Variants in FAM133B observed in about 807,000 individuals in gnomAD.
FAM133B encodes the protein family with sequence similarity 133 member B.
A neutral mutation model predicts 46.4 loss-of-function variants in FAM133B; 25 were observed. That is an observed-to-expected ratio of 0.54 (90% confidence interval 0.39 to 0.75). FAM133B has a LOEUF of 0.75. Among genes scored for constraint, FAM133B ranks in the 30% least tolerant of loss-of-function variants. FAM133B has a pLI of 0.00. For missense variants in FAM133B, 205 were observed against 277.6 expected, an observed-to-expected ratio of 0.74 and a Z score of 1.86; for synonymous variants, 75 against 86.0, an observed-to-expected ratio of 0.87 and a Z score of 0.71.
intron 10 of FAM133B, among the ~76,000 whole-genome samples, chr7:92,564,607 G>A (rs554812503): frequency 6.6e-6 from 1 of 152,296 alleles, no homozygotes; most frequent in East Asian, 1.9e-4. Flanking sequence ...ATTACTAGGG[G>A]AGCCTTCCTA....
chr7:92,578,094 CT>C, intron 5 of FAM133B, 55 bp downstream of exon 5: 2 of 1,468,424 alleles, frequency 1.4e-6, no homozygotes, highest in Non-Finnish European at 1.9e-6. Context: ...ATTATTCTTA[CT>C]TTTTTTGTTG....
intron 10 of FAM133B, among the ~76,000 whole-genome samples, chr7:92,563,241 C>T (rs992284694): frequency 6.6e-6 from 1 of 152,184 alleles, no homozygotes; most frequent in African/African-American, 2.4e-5. Context: ...TCCCCTCTCT[C>T]AAAGGCCTCT....
At chr7:92,582,220 G>C (rs1794900696) in intron 1 of FAM133B, among the ~76,000 whole-genome samples, 1 of 151,322 alleles carries the variant, frequency 6.6e-6, no homozygotes, top group South Asian at 2.1e-4. Context: ...CTGCACTCCA[G>C]CCTGGGCGAC....
At chr7:92,574,803 G>A (rs937197873) in intron 8 of FAM133B, among the ~76,000 whole-genome samples, 3 of 151,694 alleles carry the variant, frequency 2.0e-5, no homozygotes, top group Admixed American at 6.6e-5. Flanking sequence ...TACTCGGGAG[G>A]CTGAGGCAGG....
At chr7:92,576,515 A>G (rs925135635) in intron 7 of FAM133B, among the ~76,000 whole-genome samples, 1 of 152,208 alleles carries the variant, frequency 6.6e-6, no homozygotes, top group Non-Finnish European at 1.5e-5. Context: ...ACTCTAGTAC[A>G]GTGTTTGTCA....
At chr7:92,590,044 T>C in intron 1 of FAM133B, 4 of 608,354 alleles carry the variant, frequency 6.6e-6, no homozygotes, top group Non-Finnish European at 1.1e-5. Flanking sequence ...AGCGACGAGG[T>C]GAGGGAAGAA....
At chr7:92,585,298 C>G (rs1338139892) in intron 1 of FAM133B, 7 of 850,676 alleles carry the variant, frequency 8.2e-6, no homozygotes, top group Non-Finnish European at 8.5e-6. Flanking sequence ...CTCAAATTAC[C>G]TTTGTTAAAT....
Position 92,588,418 on chromosome 7 carries a change from T to C in FAM133B, c.24+1850A>G, listed in dbSNP as rs113797868. Among the ~76,000 whole-genome samples, 992 of 152,232 alleles carry C rather than the reference T, an allele frequency of 6.5e-3. 8 individuals are homozygous for C. The highest frequency in any genetic ancestry group is 0.044 in the Middle Eastern group (13 of 294). On this transcript the variant is annotated intron_variant, in intron 1 of 10. Transcript: ENST00000445716. The stretch of plus-strand genomic sequence containing the variant: ...GAAGAGCCCAAAATACTCAAACACC[T>C]AAGGATGCTCCTATGCTGAAATGGT...
chr7:92,577,279 G>T (rs1405758436), intron 6 of FAM133B, 84 bp from the exon 7 acceptor site: 20 of 900,872 alleles, frequency 2.2e-5, no homozygotes, highest in Non-Finnish European at 3.0e-5. Context: ...TTTTATCAGT[G>T]AACAAAATTT....
chr7:92,585,046 T>A (rs537535922), intron 1 of FAM133B, among the ~76,000 whole-genome samples: 1 of 152,278 alleles, frequency 6.6e-6, no homozygotes, highest in African/African-American at 2.4e-5. Flanking sequence ...CAACCTGGCT[T>A]GATGTGCAAA....
intron 1 of FAM133B, among the ~76,000 whole-genome samples, chr7:92,582,293 C>CATAA (rs1554390069): frequency 0.011 from 1,549 of 140,872 alleles, 22 homozygotes; most frequent in African/African-American, 0.037. Context: ...CATAACATAA[C>CATAA]ATAACATAAA....
intron 6 of FAM133B, 97 bp from the exon 7 acceptor site, chr7:92,577,292 CA>C: frequency 4.0e-6 from 3 of 747,300 alleles, no homozygotes; most frequent in Non-Finnish European, 6.0e-6. Flanking sequence ...CAAAATTTCA[CA>C]AAAGGATCAG....
intron 1 of FAM133B, among the ~76,000 whole-genome samples, chr7:92,585,116 T>A (rs1262409235): frequency 1.3e-5 from 2 of 152,114 alleles, no homozygotes; most frequent in Non-Finnish European, 1.5e-5. Flanking sequence ...TCTCAGCCAA[T>A]CACAGGAGCC....
intron 1 of FAM133B, chr7:92,585,360 T>G: frequency 1.0e-6 from 1 of 984,788 alleles, no homozygotes; most frequent in Non-Finnish European, 1.2e-6. Context: ...GATCACATTC[T>G]AATTTCCTTG....
chr7:92,577,821 A>T (rs906395815), intron 5 of FAM133B, 104 bp from the exon 6 acceptor site: 1 of 880,994 alleles, frequency 1.1e-6, no homozygotes, highest in African/African-American at 1.7e-5. Flanking sequence ...TCTGAGAAAC[A>T]GATGCCATAT....
At chr7:92,586,601 C>T (rs947522878) in intron 1 of FAM133B, among the ~76,000 whole-genome samples, 7 of 152,150 alleles carry the variant, frequency 4.6e-5, no homozygotes, top group African/African-American at 1.4e-4. Context: ...AACTAGAATT[C>T]TCTGTGGCTT....
intron 9 of FAM133B, among the ~76,000 whole-genome samples, chr7:92,568,124 T>C (rs1463887998): frequency 6.6e-6 from 1 of 152,100 alleles, no homozygotes; most frequent in Non-Finnish European, 1.5e-5. Context: ...GGTTTCGCTA[T>C]GTTGCCCAAG....
At position 92,579,377 on chromosome 7, in the gene FAM133B, T is replaced by C. The variant is rs753088575; in HGVS notation, c.141A>G (p.Gln47=). ...TGGAGCCTTTCTTTTTCTTTTCTAG[T>C]TGCTCTTTTACTTCTTCCCTTAAAA... ...PRPTWEEVKE[Q]LEKKKKGSKA... Residue 47 remains glutamine (Q), a synonymous_variant, in exon 3 of 11, where the codon CAA becomes CAG. Transcript: ENST00000445716. 3 of 1,608,038 alleles carry C rather than the reference T, an allele frequency of 1.9e-6. No homozygotes were observed. The highest frequency in any genetic ancestry group is 2.5e-6 in the Non-Finnish European group (3 of 1,177,712).
intron 1 of FAM133B, among the ~76,000 whole-genome samples, chr7:92,585,864 G>A (rs1795023669): frequency 6.6e-6 from 1 of 152,044 alleles, no homozygotes; most frequent in Admixed American, 6.5e-5. Context: ...TAAAGAAAAT[G>A]ACAAAAATCC....
Sources: allele counts gnomAD v4.1 joint callset (sites outside exome capture counted in the v4.1 genomes callset), GRCh38; gene constraint gnomAD v4.1.1; transcripts MANE v1.5; gene names NCBI Gene and HGNC (gene_info 2026-07-23, HGNC 2026-07-21).